Variants in ABITRAM observed in about 807,000 individuals in gnomAD.
ABITRAM encodes the protein actin binding transcription modulator, also known as protein Abitram.
Under a neutral mutation model 22.9 loss-of-function variants are expected in ABITRAM, and 19 were observed. The ratio of observed to expected loss-of-function variants is 0.83; its 90% CI spans 0.58 to 1.22. ABITRAM has a LOEUF of 1.22. ABITRAM is among the 50% of genes most tolerant of loss of function. The probability of loss-of-function intolerance (pLI) is 0.00; values close to 1 mark genes in which losing one functional copy is unlikely to be tolerated. For missense variants in ABITRAM, 215 were observed against 220.2 expected (o/e 0.98, Z 0.15); for synonymous variants, 70 against 73.9 (o/e 0.95, Z 0.27).
At position 108,940,201 on chromosome 9, in the gene ABITRAM, G is replaced by C. The variant is rs967335481; in HGVS notation, c.*515G>C. The stretch of plus-strand genomic sequence containing the variant: ...TTATAGAGCAGGTTCATATACTCAG[G>C]TTCCAAAGGGCCAACTGCAGGACTT... On this transcript the variant is annotated 3_prime_UTR_variant, in exon 6 of 6. Transcript: ENST00000322940. The C allele has an allele frequency of 2.6e-5, 4 of 152,430 alleles. No homozygotes were observed. Among genetic ancestry groups the C allele is most frequent in the African/African-American group, 9.7e-5 (4 of 41,426 alleles). The allele number at this position is 152,430 out of a possible 1,614,324, so 9.4% of individuals were successfully genotyped here.
downstream of ABITRAM, chr9:108,943,796 A>C (rs184673433): frequency 1.9e-6 from 3 of 1,613,544 alleles, no homozygotes; most frequent in Non-Finnish European, 2.5e-6. Flanking sequence ...GGAGAAGCAT[A>C]AGCTTGTCAT....
chr9:108,935,467 T>G (rs1007587891), intron 1 of ABITRAM, among the ~76,000 whole-genome samples, 171 bp from the exon 2 acceptor site: 14 of 152,212 alleles, frequency 9.2e-5, no homozygotes, highest in African/African-American at 3.1e-4. Context: ...CTTTAAATAC[T>G]TTCTAGGAAA....
At chr9:108,943,080 AAGT>A, downstream of ABITRAM, 1 of 1,553,880 alleles carries the variant, frequency 6.4e-7, no homozygotes, top group Non-Finnish European at 8.8e-7. Context: ...GATATTCTAA[AAGT>A]AGTACTTAAA....
At chr9:108,943,853 C>T, downstream of ABITRAM, 1 of 1,607,186 alleles carries the variant, frequency 6.2e-7, no homozygotes, top group South Asian at 1.1e-5. Flanking sequence ...CAGCCCGCAA[C>T]AAAACTCCAT....
At chr9:108,941,620 T>C (rs1462419920), downstream of ABITRAM, among the ~76,000 whole-genome samples, 2 of 152,318 alleles carry the variant, frequency 1.3e-5, no homozygotes, top group East Asian at 1.9e-4. Flanking sequence ...CTGTGGTCAA[T>C]TGGCATTACT....
chr9:108,939,538 T>G lies in ABITRAM; in HGVS notation c.409-11T>G. ...ATCGTTTGACAGTACTAAATGTTCT[T>G]TCCTTTCCAGCCATCTACTGAAGGC... On this transcript the variant is annotated splice_polypyrimidine_tract_variant and intron_variant, in intron 5 of 5. Coordinates refer to ENST00000322940, the MANE Select transcript of ABITRAM (RefSeq NM_017832.4). 6.2e-7 allele frequency: 1 copy of G among 1,613,266 alleles called. No homozygotes were observed. Among genetic ancestry groups the G allele is most frequent in the Non-Finnish European group, 8.5e-7 (1 of 1,179,790 alleles).
downstream of ABITRAM, chr9:108,943,669 A>G: frequency 6.4e-7 from 1 of 1,563,438 alleles, no homozygotes; most frequent in Non-Finnish European, 8.7e-7. Context: ...AGATAAAGAT[A>G]GATGTGTGAA....
downstream of ABITRAM, chr9:108,943,972 A>C (rs762412532): frequency 2.5e-6 from 4 of 1,613,412 alleles, no homozygotes; most frequent in South Asian, 4.4e-5. Context: ...CTGTTTTGAA[A>C]AAGCTTGAAC....
rs1184458655 is a variant in ABITRAM at position 108,939,250 on chromosome 9, G to A, written c.316G>A (p.Gly106Ser). ...TCTCTGTAAGATTTACTGCTCAGAT[G>A]GTGAAGAATATACTGTGTCTAGGTG... ...APLCKIYCSD[G>S]EEYTVSSCVR... is the part of the protein sequence containing the mutation. Residue 106 changes from glycine to serine, a missense_variant, in exon 4 of 6, where the codon GGT becomes AGT. Physicochemically the swap from Gly to Ser is moderately conservative, Grantham distance 56 (BLOSUM62 0). Coordinates refer to ENST00000322940, the MANE Select transcript of ABITRAM (RefSeq NM_017832.4). 6.2e-7 allele frequency: 1 copy of A among 1,613,954 alleles called. No individual in the cohort carries two copies. The highest frequency in any genetic ancestry group is 8.5e-7 in the Non-Finnish European group (1 of 1,179,940).
downstream of ABITRAM, chr9:108,943,762 G>C (rs761403846): frequency 1.3e-5 from 21 of 1,613,764 alleles, 1 homozygote; most frequent in East Asian, 3.8e-4. Context: ...TGGTGGCATA[G>C]AGGAATTAGC....
Position 108,934,457 on chromosome 9 carries a change from A to AGG in ABITRAM, c.-28_-27dup. ...CGCGGAGGAAGCGCTGGGGTCCCGG[A>AGG]GGGCGGGGGTGGCGGCGCCGGAGGT... On this transcript the variant is annotated 5_prime_UTR_variant, in exon 1 of 6. Coordinates refer to ENST00000322940, the MANE Select transcript of ABITRAM (RefSeq NM_017832.4). 1 of 1,563,068 alleles carries AGG rather than the reference A, an allele frequency of 6.4e-7. No homozygotes were observed. The highest frequency in any genetic ancestry group is 8.6e-7 in the Non-Finnish European group (1 of 1,157,866).
chr9:108,948,840 G>A lies in ABITRAM; in HGVS notation c.262-1667G>A, dbSNP rs145590769. Reference sequence around the variant, plus strand: ...CAATAAGAATAACCAAATGCATTAAGAAGAGCAATGGACTAGGGATAAGTC... The same window carrying A: ...CAATAAGAATAACCAAATGCATTAAAAAGAGCAATGGACTAGGGATAAGTC... On this transcript the variant is annotated intron_variant, in intron 3 of 3. Transcript: ENST00000374624. Among the ~76,000 whole-genome samples, 600 of 152,174 alleles carry A rather than the reference G, an allele frequency of 3.9e-3. 5 individuals are homozygous for A. Among genetic ancestry groups the A allele is most frequent in the African/African-American group, 0.014 (578 of 41,536 alleles).
chr9:108,944,639 T>A (rs1042680117), downstream of ABITRAM, among the ~76,000 whole-genome samples: 1 of 152,290 alleles, frequency 6.6e-6, no homozygotes, highest in South Asian at 2.1e-4. Flanking sequence ...TTTAGCATAT[T>A]ATGTTAAAAT....
At chr9:108,941,780 C>T (rs2132069984), downstream of ABITRAM, among the ~76,000 whole-genome samples, 1 of 152,270 alleles carries the variant, frequency 6.6e-6, no homozygotes, top group South Asian at 2.1e-4. Flanking sequence ...GATACAAATA[C>T]TACGACTGAA....
chr9:108,949,585 T>C (rs1191249501), intron 3 of ABITRAM, among the ~76,000 whole-genome samples: 2 of 152,208 alleles, frequency 1.3e-5, no homozygotes, highest in Non-Finnish European at 2.9e-5. Flanking sequence ...GGCTAACGCC[T>C]GTAATCCCAG....
chr9:108,943,023 T>C, downstream of ABITRAM: 1 of 1,612,498 alleles, frequency 6.2e-7, no homozygotes, highest in Non-Finnish European at 8.5e-7. Context: ...ATGGATCTTG[T>C]CTTCGTAATA....
intron 3 of ABITRAM, among the ~76,000 whole-genome samples, chr9:108,938,695 G>GAGGT (rs920781803): frequency 6.9e-6 from 1 of 145,890 alleles, no homozygotes; most frequent in Non-Finnish European, 1.5e-5. Context: ...TACAAAGGGG[G>GAGGT]GGGGGGGAAA....
At chr9:108,937,268 CT>C (rs1830201255) in intron 3 of ABITRAM, among the ~76,000 whole-genome samples, 1 of 152,216 alleles carries the variant, frequency 6.6e-6, no homozygotes, top group Non-Finnish European at 1.5e-5. Flanking sequence ...TACCCACCCC[CT>C]GTACCTGCAC....
downstream of ABITRAM, among the ~76,000 whole-genome samples, chr9:108,945,628 GTT>G (rs11287261): frequency 8.4e-4 from 118 of 140,408 alleles, 1 homozygote; most frequent in South Asian, 5.3e-3. Flanking sequence ...TGCCCCGCTA[GTT>G]TTTTTTTTTT....
Sources: gnomAD v4.1 joint callset for allele counts (sites outside exome capture counted in the v4.1 genomes callset) on GRCh38, gnomAD v4.1.1 for gene constraint, MANE v1.5 for transcripts, NCBI Gene and HGNC (gene_info 2026-07-23, HGNC 2026-07-21) for gene names.